The following OSBPL3 variants were observed in gnomAD, a reference collection of about 807,000 sequenced individuals.
OSBPL3 encodes oxysterol binding protein like 3, also known as oxysterol-binding protein-related protein 3.
In OSBPL3, 65 loss-of-function variants were observed where a neutral mutation model predicts 120.1. The observed-to-expected ratio is 0.54, with a 90% CI of 0.44 to 0.67. The LOEUF is 0.67. Among genes scored for constraint, OSBPL3 ranks in the 30% least tolerant of loss-of-function variants. The pLI is 0.00. For synonymous variants in OSBPL3, 416 were observed against 402.6 expected (o/e 1.03, Z -0.40); for missense variants, 1,004 against 1,082.1 (o/e 0.93, Z 1.01).
upstream of OSBPL3, chr7:24,980,217 A>T (rs1023298549): frequency 4.3e-6 from 1 of 231,224 alleles, no homozygotes; most frequent in Non-Finnish European, 7.1e-6. Flanking sequence ...GGAGCCGCGC[A>T]AGGGCGGGAG....
Position 24,796,779 on chromosome 7 carries a change from A to C in OSBPL3, c.*3404T>G, listed in dbSNP as rs1353559877. On this transcript the variant is annotated 3_prime_UTR_variant, in exon 23 of 23. Transcript: ENST00000313367. This position sits in a 1 kb window ranked among gnomAD's most constrained non-coding sequence, Gnocchi z 5.2. ...ACTGCATTCCCCAAAGTCTCTGAAA[A>C]TGGTTTGCACTTTAGACTGTCATGA... is the stretch of plus-strand genomic sequence containing the variant. The C allele has an allele frequency of 1.3e-5, 2 of 152,248 alleles. No homozygotes were observed. Among genetic ancestry groups the C allele is most frequent in the African/African-American group, 4.8e-5 (2 of 41,460 alleles). 9.4% of individuals were successfully genotyped at this position (152,248 alleles called of 1,614,324 possible).
chr7:24,845,073 A>G (rs1359248509), intron 12 of OSBPL3, among the ~76,000 whole-genome samples: 2 of 152,070 alleles, frequency 1.3e-5, no homozygotes, highest in Non-Finnish European at 2.9e-5. Flanking sequence ...GTATCATGTT[A>G]TTTCTCAGAA....
intron 10 of OSBPL3, among the ~76,000 whole-genome samples, chr7:24,856,394 A>G (rs1361344339): frequency 6.6e-6 from 1 of 152,144 alleles, no homozygotes. Context: ...CAATACTCTC[A>G]CTATCAATGT....
chr7:24,871,881 G>C lies in OSBPL3; in HGVS notation c.213+72C>G. ...CAAATTCCAACTAGAAATTAAATAT[G>C]AGTACCTAAGAACCAGGTGCTGAGT... On this transcript the variant is annotated intron_variant, in intron 3 of 22. Coordinates refer to ENST00000313367, the MANE Select transcript of OSBPL3 (RefSeq NM_015550.4). The surrounding 1 kb of genome is among the most constrained non-coding windows in gnomAD (Gnocchi z 4.8). 6.9e-7 allele frequency: 1 copy of C among 1,449,524 alleles called. No individual in the cohort carries two copies. Among genetic ancestry groups the C allele is most frequent in the East Asian group, 2.3e-5 (1 of 44,126 alleles). 89.8% of individuals were successfully genotyped at this position (1,449,524 alleles called of 1,614,324 possible).
chr7:24,843,726 C>T (rs1025545120), intron 12 of OSBPL3, among the ~76,000 whole-genome samples: 2 of 152,102 alleles, frequency 1.3e-5, no homozygotes, highest in African/African-American at 4.8e-5. Context: ...TTCTGAAAAC[C>T]AAGCCTCTTC....
At chr7:24,934,480 T>C (rs1053387365) in intron 1 of OSBPL3, among the ~76,000 whole-genome samples, 3 of 152,166 alleles carry the variant, frequency 2.0e-5, no homozygotes, top group Non-Finnish European at 2.9e-5. Context: ...ATATACTGCA[T>C]GTGTTATCAA....
At position 24,938,834 on chromosome 7, in the gene OSBPL3, T is replaced by TGTGTGTGTGTGTGTGTGTG. The variant is rs1584680519; in HGVS notation, c.-150+41051_-150+41052insCACACACACACACACACAC. 7.0e-6 allele frequency among the ~76,000 whole-genome samples: 1 copy of TGTGTGTGTGTGTGTGTGTG among 142,968 alleles called. No homozygotes were observed. The highest frequency in any genetic ancestry group is 2.6e-5 in the African/African-American group (1 of 38,840). 93.8% of individuals were successfully genotyped at this position (142,968 alleles called of 152,430 possible). On this transcript the variant is annotated intron_variant, in intron 1 of 22. Coordinates refer to ENST00000313367, the MANE Select transcript of OSBPL3 (RefSeq NM_015550.4). This position sits in a 1 kb window ranked among gnomAD's most constrained non-coding sequence, Gnocchi z 5.8. ...GTGTGTGTGTGTGTGTGTGTGTGTGTTTTGAGAGCAAAACTAATGTGGCCA... is the reference window on the plus strand; with the variant it reads ...GTGTGTGTGTGTGTGTGTGTGTGTGTGTGTGTGTGTGTGTGTGTGTTTGAGAGCAAAACTAATGTGGCCA...
At chr7:24,840,585 G>T in intron 14 of OSBPL3, 105 bp downstream of exon 14, 4 of 509,366 alleles carry the variant, frequency 7.9e-6, no homozygotes, top group Non-Finnish European at 1.0e-5. Context: ...TCTGCATGGG[G>T]TATCAGCACC....
intron 1 of OSBPL3, among the ~76,000 whole-genome samples, chr7:24,956,249 CT>C: frequency 6.6e-6 from 1 of 152,390 alleles, no homozygotes; most frequent in East Asian, 1.9e-4. Context: ...AAGCCTGCCC[CT>C]GACTCAGCCT....
At position 24,961,970 on chromosome 7, in the gene OSBPL3, A is replaced by G. The variant is rs1280645608; in HGVS notation, c.-150+17916T>C. ...GACATACATTATTTTTGTCTGCCCA[A>G]CCAACTCCCCATTTTGGTACCAGCA... On this transcript the variant is annotated intron_variant, in intron 1 of 22. Transcript: ENST00000313367. Among the ~76,000 whole-genome samples the G allele has an allele frequency of 3.3e-5, 5 of 152,292 alleles. No individual in the cohort carries two copies. In the South Asian group the frequency reaches 1.0e-3, roughly 32 times the overall value.
intron 1 of OSBPL3, among the ~76,000 whole-genome samples, chr7:24,971,420 G>A (rs116274206): frequency 8.5e-5 from 13 of 152,332 alleles, no homozygotes; most frequent in South Asian, 4.1e-4. Flanking sequence ...GCACAGCTCC[G>A]TGGAATGGAA....
chr7:24,845,943 G>A (rs1285422884), intron 12 of OSBPL3, among the ~76,000 whole-genome samples: 1 of 152,164 alleles, frequency 6.6e-6, no homozygotes, highest in African/African-American at 2.4e-5. Context: ...TTGAGCCCAA[G>A]AGTTCAAGGT....
Position 24,921,752 on chromosome 7 carries a change from C to T in OSBPL3, c.-149-29131G>A, listed in dbSNP as rs190139571. ...TCTAAAGGCTGAGAGAAGGACCTGGCTTCCTAGTACTATCCCAGAGTTCTA... is the reference window on the plus strand; with the variant it reads ...TCTAAAGGCTGAGAGAAGGACCTGGTTTCCTAGTACTATCCCAGAGTTCTA... On this transcript the variant is annotated intron_variant, in intron 1 of 22. Coordinates refer to ENST00000313367, the MANE Select transcript of OSBPL3 (RefSeq NM_015550.4). 2.6e-5 allele frequency among the ~76,000 whole-genome samples: 4 copies of T among 152,260 alleles called. No individual in the cohort carries two copies. The East Asian group carries it at 7.7e-4, about 29-fold the overall frequency.
chr7:24,962,514 C>T (rs1815907655), intron 1 of OSBPL3, among the ~76,000 whole-genome samples: 2 of 149,818 alleles, frequency 1.3e-5, no homozygotes, highest in South Asian at 4.2e-4. Context: ...CATGCCTGGC[C>T]AGTAACAGCC....
rs1336429013 is a variant in OSBPL3, at chr7:24,871,099, A to T, written c.268-254T>A. 6.6e-6 allele frequency among the ~76,000 whole-genome samples: 1 copy of T among 152,234 alleles called. No homozygotes were observed. Among genetic ancestry groups the T allele is most frequent in the African/African-American group, 2.4e-5 (1 of 41,464 alleles). On this transcript the variant is annotated intron_variant, in intron 4 of 22. Transcript: ENST00000313367. This position sits in a 1 kb window ranked among gnomAD's most constrained non-coding sequence, Gnocchi z 4.8. ...AGGGGTTAAGTAACAAGCAGTTTAC[A>T]CAGCCAGGATGTGAGGAAACAAAAG...
intron 13 of OSBPL3, among the ~76,000 whole-genome samples, chr7:24,841,446 T>C (rs73087716): frequency 0.12 from 17,493 of 151,516 alleles, 1,302 homozygotes; most frequent in South Asian, 0.27. Flanking sequence ...AAAAGAAGTA[T>C]AGCACTTTGA....
Position 24,954,983 on chromosome 7 carries a change from G to A in OSBPL3, c.-150+24903C>T, listed in dbSNP as rs535847565. ...GGGCAGGCAAGGGAAATGTGATCAT[G>A]CCCTCCATAATCACAGCCTCAAAGA... On this transcript the variant is annotated intron_variant, in intron 1 of 22. Transcript: ENST00000313367. Among the ~76,000 whole-genome samples, 30 of 152,228 alleles carry A rather than the reference G, an allele frequency of 2.0e-4. No individual in the cohort carries two copies. In the East Asian group the frequency reaches 5.8e-3, roughly 29 times the overall value.
chr7:24,868,644 C>A (rs1244337534), intron 5 of OSBPL3, among the ~76,000 whole-genome samples: 3 of 152,094 alleles, frequency 2.0e-5, no homozygotes, highest in Non-Finnish European at 4.4e-5. Flanking sequence ...ATTAGAAGTA[C>A]CTATAAGACT....
chr7:24,845,869 G>A (rs556868925), intron 12 of OSBPL3, among the ~76,000 whole-genome samples: 1 of 152,172 alleles, frequency 6.6e-6, no homozygotes, highest in African/African-American at 2.4e-5. Flanking sequence ...GCTTTCAGCA[G>A]GGCATGGTGG....
Sources: gnomAD v4.1 joint callset for allele counts (sites outside exome capture counted in the v4.1 genomes callset) on GRCh38, gnomAD v4.1.1 for gene constraint, Gnocchi (gnomAD v3.1) non-coding constraint, MANE v1.5 for transcripts, NCBI Gene and HGNC (gene_info 2026-07-23, HGNC 2026-07-21) for gene names.